The following AHCTF1 variants were observed in gnomAD, a reference collection of about 807,000 sequenced individuals.
The protein encoded by AHCTF1 is protein ELYS.
A neutral mutation model predicts 248.4 loss-of-function variants in AHCTF1; 24 were observed. That is an observed-to-expected ratio of 0.10 (90% CI 0.07 to 0.14). The LOEUF is 0.14. Ranked by LOEUF, AHCTF1 falls within the 10% of genes least tolerant of loss-of-function variation. The pLI is 1.00. For missense variants in AHCTF1, 2,206 were observed against 2,636.2 expected, an observed-to-expected ratio of 0.84 and a Z score of 3.57; for synonymous variants, 786 against 929.8, an observed-to-expected ratio of 0.85 and a Z score of 2.81.
chr1:246,876,333 T>C, intron 23 of AHCTF1, 146 bp from the exon 24 acceptor site: 1 of 651,994 alleles, frequency 1.5e-6, no homozygotes, highest in Non-Finnish European at 2.5e-6. Flanking sequence ...AAGAACTTCA[T>C]CCACATATCT....
At chr1:246,876,809 G>T in intron 23 of AHCTF1, 141 bp downstream of exon 23, 1 of 1,021,720 alleles carries the variant, frequency 9.8e-7, no homozygotes, top group South Asian at 1.6e-5. Flanking sequence ...TTCTGTTACA[G>T]AGATGAACTG....
intron 29 of AHCTF1, among the ~76,000 whole-genome samples, chr1:246,860,495 G>GT (rs1038352939): frequency 1.3e-5 from 2 of 152,134 alleles, no homozygotes; most frequent in African/African-American, 4.8e-5. Flanking sequence ...AGCTGAAGGA[G>GT]TAAGGTCTGT....
chr1:246,896,505 T>G (rs1364564832), intron 12 of AHCTF1, among the ~76,000 whole-genome samples: 2 of 152,152 alleles, frequency 1.3e-5, no homozygotes, highest in Non-Finnish European at 1.5e-5. Flanking sequence ...AATAGGTCAA[T>G]CTATAAAGAC....
Position 246,900,134 on chromosome 1 carries a change from A to C in AHCTF1, c.1363T>G (p.Leu455Val), listed in dbSNP as rs201657362. 4.6e-4 allele frequency: 748 copies of C among 1,609,668 alleles called. 1 individual carries two copies. Among genetic ancestry groups the C allele is most frequent in the Non-Finnish European group, 3.2e-4 (376 of 1,179,234 alleles). The change falls in exon 10 of 36, where the codon TTA becomes GTA. Residue 455 changes from leucine (L) to valine (V), a missense_variant. Around this residue, in one of 6 missense-constraint regions of AHCTF1, gnomAD observed 650 missense variants for 870.8 expected, o/e 0.75. Transcript: ENST00000648844. ...ILDILVHERS[L>V]NRGVPPSYPP... is the part of the protein sequence containing the mutation. ...TATGAAGGAGGGACTCCTCTATTTA[A>C]ACTTCTCTCATGTACTAATATATCC...
intron 31 of AHCTF1, among the ~76,000 whole-genome samples, chr1:246,854,286 G>C (rs574396670): frequency 1.5e-5 from 2 of 135,556 alleles, no homozygotes; most frequent in South Asian, 2.3e-4. Flanking sequence ...GTGACAGAGC[G>C]AGACTCTGTT....
rs1457383462 is a variant in AHCTF1, at chr1:246,915,910, C to T, written c.375+232G>A. Among the ~76,000 whole-genome samples the T allele has an allele frequency of 4.6e-5, 7 of 152,156 alleles. 1 individual carries two copies. The highest frequency in any genetic ancestry group is 4.1e-4 in the South Asian group (2 of 4,832). ...TGTCATTGCTATTTTTACTCTGGAA[C>T]GTTTTAACCAATAAGAAAGTTACAT... On this transcript the variant is annotated intron_variant, in intron 3 of 35. Transcript: ENST00000648844.
At chr1:246,910,285 G>A (rs1665710929) in intron 4 of AHCTF1, among the ~76,000 whole-genome samples, 1 of 152,206 alleles carries the variant, frequency 6.6e-6, no homozygotes, top group Non-Finnish European at 1.5e-5. Flanking sequence ...TACGTTCAAG[G>A]AGACTTGAGA....
At chr1:246,856,654 A>T (rs1661129447) in intron 30 of AHCTF1, among the ~76,000 whole-genome samples, 1 of 152,216 alleles carries the variant, frequency 6.6e-6, no homozygotes, top group Non-Finnish European at 1.5e-5. Context: ...AATAAATAAC[A>T]TTAGTTTTCA....
chr1:246,922,322 T>C (rs1396226542), intron 1 of AHCTF1, among the ~76,000 whole-genome samples: 4 of 152,056 alleles, frequency 2.6e-5, no homozygotes, highest in Non-Finnish European at 4.4e-5. Flanking sequence ...ATTGCACCAC[T>C]GCACTCCAGC....
In AHCTF1 at chr1:246,840,360, A is replaced by T. The variant is rs1028133311; in HGVS notation, c.*446T>A. ...ATACATTTTCTGATTAGAAATCTGA[A>T]TCACAGAATCAAAGTGCATAAATTA... On this transcript the variant is annotated 3_prime_UTR_variant, in exon 36 of 36. Coordinates refer to ENST00000648844, the MANE Select transcript of AHCTF1 (RefSeq NM_001323342.2). 6.5e-6 allele frequency: 1 copy of T among 152,706 alleles called. No homozygotes were observed. The highest frequency in any genetic ancestry group is 1.5e-5 in the Non-Finnish European group (1 of 68,062). 9.5% of individuals were successfully genotyped at this position (152,706 alleles called of 1,614,324 possible).
intron 25 of AHCTF1, 46 bp downstream of exon 25, chr1:246,867,615 A>G: frequency 6.3e-7 from 1 of 1,596,752 alleles, no homozygotes; most frequent in East Asian, 2.3e-5. Context: ...GATGTCCAGT[A>G]AAGATTAACA....
chr1:246,909,077 C>G (rs1027147166), intron 4 of AHCTF1, among the ~76,000 whole-genome samples: 1 of 105,374 alleles, frequency 9.5e-6, no homozygotes, highest in South Asian at 3.1e-4. Context: ...CTATATATAT[C>G]TATATCTATC....
At chr1:246,863,114 G>T (rs1661695998) in intron 27 of AHCTF1, among the ~76,000 whole-genome samples, 1 of 151,900 alleles carries the variant, frequency 6.6e-6, no homozygotes, top group African/African-American at 2.4e-5. Context: ...ATTTATTTTT[G>T]ACAAATGAAA....
intron 34 of AHCTF1, 82 bp downstream of exon 34, chr1:246,843,713 A>G: frequency 1.7e-6 from 1 of 586,928 alleles, no homozygotes; most frequent in Non-Finnish European, 2.2e-6. Context: ...TTAAAATTTA[A>G]ATAAAATAAT....
At chr1:246,882,787 G>A (rs1414115393) in intron 21 of AHCTF1, among the ~76,000 whole-genome samples, 1 of 152,166 alleles carries the variant, frequency 6.6e-6, no homozygotes, top group Admixed American at 6.5e-5. Context: ...TAATTTGCAC[G>A]TAAAACAGCC....
chr1:246,918,816 T>C (rs1030008015), intron 1 of AHCTF1, among the ~76,000 whole-genome samples: 2 of 152,238 alleles, frequency 1.3e-5, no homozygotes, highest in African/African-American at 4.8e-5. Flanking sequence ...ACTAGTTCAG[T>C]GCAATTCATC....
intron 24 of AHCTF1, among the ~76,000 whole-genome samples, chr1:246,870,469 T>G (rs1662511413): frequency 6.6e-6 from 1 of 152,130 alleles, no homozygotes; most frequent in South Asian, 2.1e-4. Context: ...TGCTGTAATC[T>G]CATGATAAAA....
At chr1:246,930,117 C>T (rs564201665) in intron 1 of AHCTF1, among the ~76,000 whole-genome samples, 1 of 152,036 alleles carries the variant, frequency 6.6e-6, no homozygotes, top group South Asian at 2.1e-4. Flanking sequence ...ACAAAAGTCT[C>T]AAAACTGATG....
rs568115885 is a variant in AHCTF1, at chr1:246,848,538, T to G, written c.6391+1077A>C. On this transcript the variant is annotated intron_variant, in intron 33 of 35. Coordinates refer to ENST00000648844, the MANE Select transcript of AHCTF1 (RefSeq NM_001323342.2). The stretch of plus-strand genomic sequence containing the variant: ...TTATTTATAAGGTCCTGAACTGCTT[T>G]GCTGAAATTCAAATATTAAACTGTA... Among the ~76,000 whole-genome samples the G allele has an allele frequency of 1.4e-3, 216 of 151,858 alleles. 1 individual carries two copies. The highest frequency in any genetic ancestry group is 5.0e-3 in the African/African-American group (209 of 41,454).
Sources: gnomAD v4.1 joint callset for allele counts (sites outside exome capture counted in the v4.1 genomes callset) on GRCh38, gnomAD v4.1.1 for gene constraint, gnomAD v4.1.1 regional missense constraint, MANE v1.5 for transcripts, NCBI Gene and HGNC (gene_info 2026-07-23, HGNC 2026-07-21) for gene names.